KHDRBS2: variants seen among roughly 807,000 people sequenced by gnomAD.
KHDRBS2 encodes KH RNA binding domain containing, signal transduction associated 2, also known as KH domain-containing, RNA-binding, signal transduction-associated protein 2.
Under a neutral mutation model 44.3 loss-of-function variants are expected in KHDRBS2, and 26 were observed. That is an observed-to-expected ratio of 0.59 (90% confidence interval 0.43 to 0.81). KHDRBS2 has a LOEUF of 0.81. Among genes scored for constraint, KHDRBS2 ranks in the 40% least tolerant of loss-of-function variants. KHDRBS2 has a pLI of 0.00. For missense variants in KHDRBS2, 476 were observed against 433.1 expected, an observed-to-expected ratio of 1.10 and a Z score of -0.88; for synonymous variants, 194 against 151.1, an observed-to-expected ratio of 1.28 and a Z score of -2.08.
intron 1 of KHDRBS2, among the ~76,000 whole-genome samples, chr6:62,226,656 G>T (rs545002167): frequency 9.9e-5 from 15 of 150,986 alleles, no homozygotes; most frequent in Non-Finnish European, 2.2e-4. Flanking sequence ...CTAGGTTTTC[G>T]ATTTTACTTT....
chr6:61,618,119 G>C, the KHDRBS2 span, among the ~76,000 whole-genome samples: 3 of 152,124 alleles, frequency 2.0e-5, no homozygotes, highest in Non-Finnish European at 4.4e-5. Context: ...TTGTTTTCTA[G>C]CAATGATAAC....
At chr6:62,255,682 G>A (rs1585449471) in intron 1 of KHDRBS2, among the ~76,000 whole-genome samples, 1 of 151,244 alleles carries the variant, frequency 6.6e-6, no homozygotes, top group Non-Finnish European at 1.5e-5. Context: ...TTGTTTGCCT[G>A]TGAGTCCTTA....
At position 61,959,323 on chromosome 6, in the gene KHDRBS2, G is replaced by A. The variant is rs529537035; in HGVS notation, c.483+18743C>T. Among the ~76,000 whole-genome samples, 3 of 152,254 alleles carry A rather than the reference G, an allele frequency of 2.0e-5. No homozygotes were observed. In the South Asian group the frequency reaches 6.2e-4, roughly 32 times the overall value. On this transcript the variant is annotated intron_variant, in intron 4 of 8. Transcript: ENST00000281156. ...GGTAGCTCTTAATAAAGTCAGAGAA[G>A]AAATTAAATGGAACAACACACACAT...
chr6:61,947,193 T>C (rs1267003782), intron 4 of KHDRBS2, among the ~76,000 whole-genome samples: 1 of 152,184 alleles, frequency 6.6e-6, no homozygotes, highest in Non-Finnish European at 1.5e-5. Context: ...ACCACTATTA[T>C]AAGACATCTG....
chr6:62,005,380 C>T (rs574280498), intron 3 of KHDRBS2, among the ~76,000 whole-genome samples: 1 of 151,776 alleles, frequency 6.6e-6, no homozygotes, highest in Admixed American at 6.6e-5. Flanking sequence ...GAAGCCACTG[C>T]AACACTCTCC....
chr6:61,723,920 C>T (rs1177821703), intron 7 of KHDRBS2, among the ~76,000 whole-genome samples: 1 of 152,138 alleles, frequency 6.6e-6, no homozygotes. Flanking sequence ...ACTTCCCCAA[C>T]CTAGCAACAC....
chr6:61,693,781 A>T (rs1288178597), intron 8 of KHDRBS2, among the ~76,000 whole-genome samples: 1 of 152,088 alleles, frequency 6.6e-6, no homozygotes, highest in Non-Finnish European at 1.5e-5. Context: ...TTCTCTCTAG[A>T]CTTTGCAACA....
intron 6 of KHDRBS2, among the ~76,000 whole-genome samples, chr6:61,860,801 T>C (rs1455490442): frequency 1.3e-5 from 2 of 152,150 alleles, no homozygotes; most frequent in African/African-American, 4.8e-5. Context: ...CACACTGTCT[T>C]TCACAATGGT....
At chr6:62,068,644 C>A (rs919448591) in intron 2 of KHDRBS2, among the ~76,000 whole-genome samples, 1 of 151,598 alleles carries the variant, frequency 6.6e-6, no homozygotes, top group African/African-American at 2.4e-5. Context: ...ATATTAAGAT[C>A]TATGATCCAT....
chr6:61,930,503 A>G (rs1198830365), intron 4 of KHDRBS2, among the ~76,000 whole-genome samples: 1 of 127,646 alleles, frequency 7.8e-6, no homozygotes, highest in African/African-American at 2.9e-5. Context: ...GGGAAGTGAT[A>G]ATGGACCCTA....
At chr6:61,854,356 T>G (rs993293855) in intron 6 of KHDRBS2, among the ~76,000 whole-genome samples, 14 of 152,130 alleles carry the variant, frequency 9.2e-5, no homozygotes, top group African/African-American at 3.4e-4. Flanking sequence ...AGCAAAATTT[T>G]TATATATTCA....
chr6:61,777,648 T>C (rs1426725357), intron 6 of KHDRBS2, among the ~76,000 whole-genome samples: 3 of 152,076 alleles, frequency 2.0e-5, no homozygotes, highest in Non-Finnish European at 1.5e-5. Context: ...AATAATTACA[T>C]AGGACATTAG....
chr6:61,895,865 G>A (rs1265808798), intron 5 of KHDRBS2, among the ~76,000 whole-genome samples: 1 of 152,174 alleles, frequency 6.6e-6, no homozygotes, highest in Non-Finnish European at 1.5e-5. Context: ...GCTATGAATA[G>A]CAGTCAGATG....
intron 3 of KHDRBS2, among the ~76,000 whole-genome samples, chr6:62,033,175 C>T (rs1306207621): frequency 1.3e-5 from 2 of 151,456 alleles, no homozygotes. Flanking sequence ...ACAGAGGAGA[C>T]AAAAGAAAAG....
chr6:62,047,277 T>TTATAAAATAAGA (rs1391977733), intron 3 of KHDRBS2, among the ~76,000 whole-genome samples: 16 of 152,050 alleles, frequency 1.1e-4, no homozygotes, highest in Non-Finnish European at 2.2e-4. Flanking sequence ...TGCTAACACT[T>TTATAAAATAAGA]TATAAAATAA....
chr6:62,149,004 C>G lies in KHDRBS2; in HGVS notation c.219+28181G>C, dbSNP rs2150103862. ...TCCTTTTAAAAATTTATCCCTCTTT[C>G]CCCAATAACTGCCCTATTTCCTTTA... is the stretch of plus-strand genomic sequence containing the variant. On this transcript the variant is annotated intron_variant, in intron 2 of 8. Transcript: ENST00000281156. 2.0e-5 allele frequency among the ~76,000 whole-genome samples: 3 copies of G among 152,192 alleles called. No homozygotes were observed. In the East Asian group the frequency reaches 5.8e-4, roughly 29 times the overall value.
At chr6:61,954,370 CGTAT>C (rs1222002210) in intron 4 of KHDRBS2, among the ~76,000 whole-genome samples, 7 of 54,994 alleles carry the variant, frequency 1.3e-4, no homozygotes, top group African/African-American at 3.2e-4. Context: ...TACATATATA[CGTAT>C]GTATGCATGC....
chr6:61,819,938 C>T lies in KHDRBS2; in HGVS notation c.810+74697G>A, dbSNP rs569271987. ...TAATGAACAAAAGTGAAGTTCTCAA[C>T]AATAAAAAGCATTGTCAAACACCCT... is the stretch of plus-strand genomic sequence containing the variant. On this transcript the variant is annotated intron_variant, in intron 6 of 8. Coordinates refer to ENST00000281156, the MANE Select transcript of KHDRBS2 (RefSeq NM_152688.4). Among the ~76,000 whole-genome samples the T allele has an allele frequency of 5.3e-5, 8 of 152,060 alleles. No homozygotes were observed. In the South Asian group the frequency reaches 8.3e-4, roughly 16 times the overall value.
At chr6:61,920,721 A>G (rs921772082) in intron 4 of KHDRBS2, among the ~76,000 whole-genome samples, 1 of 151,952 alleles carries the variant, frequency 6.6e-6, no homozygotes, top group African/African-American at 2.4e-5. Flanking sequence ...AGTAGTTGGA[A>G]AGGATTCAGT....
Sources: allele counts gnomAD v4.1 joint callset (sites outside exome capture counted in the v4.1 genomes callset), GRCh38; gene constraint gnomAD v4.1.1; transcripts MANE v1.5; gene names NCBI Gene and HGNC (gene_info 2026-07-23, HGNC 2026-07-21).